CAMKMT: variants seen among roughly 807,000 people sequenced by gnomAD.
CAMKMT encodes calmodulin-lysine N-methyltransferase, also known as CaM KMT.
A neutral mutation model predicts 48.0 loss-of-function variants in CAMKMT; 53 were observed. The observed-to-expected ratio is 1.10, with a 90% CI of 0.89 to 1.39. The LOEUF is 1.39. Ranked by LOEUF, CAMKMT falls within the 40% of genes most tolerant of loss-of-function variation. The pLI is 0.00. For missense variants in CAMKMT, 428 were observed against 402.7 expected (o/e 1.06, Z -0.54); for synonymous variants, 165 against 152.3 (o/e 1.08, Z -0.61).
At chr2:44,734,945 T>C (rs1462410974) in intron 7 of CAMKMT, among the ~76,000 whole-genome samples, 2 of 152,208 alleles carry the variant, frequency 1.3e-5, no homozygotes, top group Non-Finnish European at 2.9e-5. Flanking sequence ...GAGAGGGGAG[T>C]ATTAAAATCT....
chr2:44,733,183 C>T (rs1005888222), intron 7 of CAMKMT, among the ~76,000 whole-genome samples: 11 of 152,144 alleles, frequency 7.2e-5, no homozygotes, highest in Non-Finnish European at 1.5e-5. Flanking sequence ...CTTTGCTCAC[C>T]AAATTGCCTC....
In CAMKMT at chr2:44,616,515, A is replaced by C. The variant is rs565810604; in HGVS notation, c.377-87768A>C. ...TTTTATTACAAGCCATATATATACT[A>C]ATAGAACAACCTTTAACAATATATT... On this transcript the variant is annotated intron_variant, in intron 3 of 10. Coordinates refer to ENST00000378494, the MANE Select transcript of CAMKMT (RefSeq NM_024766.5). Among the ~76,000 whole-genome samples the C allele has an allele frequency of 2.1e-5, 3 of 145,802 alleles. No individual in the cohort carries two copies. The East Asian group carries it at 5.9e-4, about 29-fold the overall frequency.
chr2:44,717,228 A>C (rs1486868096), intron 7 of CAMKMT, among the ~76,000 whole-genome samples: 1 of 152,182 alleles, frequency 6.6e-6, no homozygotes, highest in Non-Finnish European at 1.5e-5. Context: ...AGAAACCTCC[A>C]AGATGAGGAT....
At chr2:44,746,766 T>C (rs1197847735) in intron 8 of CAMKMT, among the ~76,000 whole-genome samples, 1 of 152,296 alleles carries the variant, frequency 6.6e-6, no homozygotes, top group East Asian at 1.9e-4. Context: ...GTTGACTTGT[T>C]TAATGTTGAG....
intron 3 of CAMKMT, among the ~76,000 whole-genome samples, chr2:44,403,971 C>T (rs767809770): frequency 5.3e-5 from 8 of 152,142 alleles, no homozygotes; most frequent in Non-Finnish European, 1.2e-4. Flanking sequence ...TTTCCTGACT[C>T]TCCTAAGCTA....
chr2:44,376,724 A>G (rs759041593), intron 2 of CAMKMT, among the ~76,000 whole-genome samples: 26 of 152,230 alleles, frequency 1.7e-4, no homozygotes, highest in Admixed American at 4.6e-4. Context: ...TCTTGTTTAT[A>G]TAAGCAGTGA....
chr2:44,753,993 A>G, intron 8 of CAMKMT, 62 bp from the exon 9 acceptor site: 3 of 1,148,850 alleles, frequency 2.6e-6, no homozygotes, highest in Non-Finnish European at 3.9e-6. Flanking sequence ...ACTTATCTCC[A>G]TTAGTATCAT....
intron 3 of CAMKMT, among the ~76,000 whole-genome samples, chr2:44,641,276 G>A (rs1019592433): frequency 1.3e-5 from 2 of 152,224 alleles, no homozygotes; most frequent in African/African-American, 4.8e-5. Flanking sequence ...ACCTACGGTT[G>A]CCTATTCTTT....
At chr2:44,747,087 G>T (rs774283411) in intron 8 of CAMKMT, among the ~76,000 whole-genome samples, 10 of 152,124 alleles carry the variant, frequency 6.6e-5, no homozygotes, top group Non-Finnish European at 1.5e-4. Flanking sequence ...GGGTATGCAG[G>T]ACAATCAGCA....
chr2:44,533,278 G>C (rs1054368587), intron 3 of CAMKMT, among the ~76,000 whole-genome samples: 1 of 147,196 alleles, frequency 6.8e-6, no homozygotes, highest in Admixed American at 6.8e-5. Context: ...CTCTTTTGTC[G>C]CCCAGGCTGG....
intron 3 of CAMKMT, among the ~76,000 whole-genome samples, chr2:44,464,248 C>G (rs2104628521): frequency 6.6e-6 from 1 of 152,294 alleles, no homozygotes; most frequent in Non-Finnish European, 1.5e-5. Context: ...AGGAAAGAAT[C>G]AGCTAACTCA....
rs143153295 is a variant in CAMKMT at position 44,700,972 on chromosome 2, G to A, written c.377-3311G>A. 2.8e-3 allele frequency among the ~76,000 whole-genome samples: 431 copies of A among 152,264 alleles called. 3 individuals carry two copies. The highest frequency in any genetic ancestry group is 9.8e-3 in the African/African-American group (408 of 41,550). On this transcript the variant is annotated intron_variant, in intron 3 of 10. Transcript: ENST00000378494. ...CCCATCTATGTTGTAGCATGTATCAGTTCTTCTTTTATTGTCAAATAATAA... is the reference window on the plus strand; with the variant it reads ...CCCATCTATGTTGTAGCATGTATCAATTCTTCTTTTATTGTCAAATAATAA...
At chr2:44,594,749 T>C (rs1670549061) in intron 3 of CAMKMT, among the ~76,000 whole-genome samples, 1 of 152,198 alleles carries the variant, frequency 6.6e-6, no homozygotes, top group Non-Finnish European at 1.5e-5. Context: ...GACATAGGCA[T>C]GGGCAAAGAC....
rs377499886 is a variant in CAMKMT at position 44,501,807 on chromosome 2, G to C, written c.376+111502G>C. On this transcript the variant is annotated intron_variant, in intron 3 of 10. Transcript: ENST00000378494. ...GCAGGAGTTTCGCTTGAGCCCAGGA[G>C]TTGGAGTTGAAGGTTGCAGTGAGCT... Among the ~76,000 whole-genome samples, 6 of 152,244 alleles carry C rather than the reference G, an allele frequency of 3.9e-5. No homozygotes were observed. The East Asian group carries it at 1.2e-3, about 29-fold the overall frequency.
At chr2:44,670,365 C>A (rs751448061) in intron 3 of CAMKMT, among the ~76,000 whole-genome samples, 1 of 152,006 alleles carries the variant, frequency 6.6e-6, no homozygotes, top group Non-Finnish European at 1.5e-5. Flanking sequence ...GATCACTTGA[C>A]ACCAGGAGTT....
chr2:44,686,201 G>T (rs1010367668), intron 3 of CAMKMT, among the ~76,000 whole-genome samples: 1 of 151,978 alleles, frequency 6.6e-6, no homozygotes, highest in Non-Finnish European at 1.5e-5. Flanking sequence ...AGACCATCCT[G>T]GCTAACACGA....
chr2:44,581,042 T>C (rs1669529506), intron 3 of CAMKMT, among the ~76,000 whole-genome samples: 1 of 152,124 alleles, frequency 6.6e-6, no homozygotes, highest in African/African-American at 2.4e-5. Flanking sequence ...TGTATTATTA[T>C]AAAAGATAAA....
chr2:44,570,649 CT>C (rs1238984482), intron 3 of CAMKMT, among the ~76,000 whole-genome samples: 1 of 152,144 alleles, frequency 6.6e-6, no homozygotes, highest in African/African-American at 2.4e-5. Context: ...TTCTTATCTG[CT>C]TCTGTTTCTT....
intron 3 of CAMKMT, among the ~76,000 whole-genome samples, chr2:44,587,071 A>G (rs1669898510): frequency 6.6e-6 from 1 of 152,170 alleles, no homozygotes; most frequent in Admixed American, 6.5e-5. Context: ...TCATCTATGT[A>G]TCTTCTTTGG....
Sources: gnomAD v4.1 joint callset for allele counts (sites outside exome capture counted in the v4.1 genomes callset) on GRCh38, gnomAD v4.1.1 for gene constraint, MANE v1.5 for transcripts, NCBI Gene and HGNC (gene_info 2026-07-23, HGNC 2026-07-21) for gene names.